GUCY2C: variants seen among roughly 807,000 people sequenced by gnomAD.
The protein encoded by GUCY2C is guanylyl cyclase C.
A neutral mutation model predicts 131.1 loss-of-function variants in GUCY2C; 118 were observed. That is an observed-to-expected ratio of 0.90 (90% CI 0.78 to 1.05). The LOEUF is 1.05. Ranked by LOEUF, GUCY2C falls within the 50% of genes least tolerant of loss-of-function variation. The pLI is 0.00. For missense variants in GUCY2C, 1,161 were observed against 1,304.4 expected, an observed-to-expected ratio of 0.89 and a Z score of 1.69; for synonymous variants, 452 against 457.8, an observed-to-expected ratio of 0.99 and a Z score of 0.16.
chr12:14,637,581 G>T (rs889315480), intron 19 of GUCY2C, among the ~76,000 whole-genome samples: 7 of 152,212 alleles, frequency 4.6e-5, no homozygotes, highest in Non-Finnish European at 1.0e-4. Flanking sequence ...TACTGGCACA[G>T]GAACAGACAC....
chr12:14,692,569 C>T (rs913517566), intron 1 of GUCY2C, among the ~76,000 whole-genome samples: 1 of 152,088 alleles, frequency 6.6e-6, no homozygotes, highest in Non-Finnish European at 1.5e-5. Flanking sequence ...GGTCCTAGGC[C>T]AGGTGCGGTG....
At chr12:14,640,233 T>C (rs894226722) in intron 18 of GUCY2C, among the ~76,000 whole-genome samples, 4 of 151,930 alleles carry the variant, frequency 2.6e-5, no homozygotes, top group East Asian at 1.9e-4. Flanking sequence ...GAGGCTGAGG[T>C]TGGGGGATCA....
intron 16 of GUCY2C, 59 bp downstream of exon 16, chr12:14,645,170 T>C: frequency 1.1e-6 from 1 of 900,000 alleles, no homozygotes. Flanking sequence ...TTGAATAACT[T>C]GTTAGATCTG....
chr12:14,645,203 A>G (rs755273660), intron 16 of GUCY2C, 26 bp downstream of exon 16: 1 of 1,207,262 alleles, frequency 8.3e-7, no homozygotes, highest in Non-Finnish European at 1.2e-6. Flanking sequence ...TAATTTTCAT[A>G]TTTTCTGTGT....
At chr12:14,670,031 T>G (rs992704573) in intron 9 of GUCY2C, among the ~76,000 whole-genome samples, 198 bp from the exon 10 acceptor site, 1 of 152,228 alleles carries the variant, frequency 6.6e-6, no homozygotes, top group African/African-American at 2.4e-5. Flanking sequence ...ATGGACCGAT[T>G]AGTTTCCTAT....
Position 14,613,133 on chromosome 12 carries a change from T to C in GUCY2C, c.3206A>G (p.Glu1069Gly). The change falls in exon 27 of 27, where the codon GAG becomes GGG. Residue 1069 changes from glutamate to glycine, a missense_variant. By Grantham distance (98) the Glu-to-Gly change is moderately conservative (BLOSUM62 -2). Transcript: ENST00000261170. The surrounding 1 kb of genome is among the most constrained non-coding windows in gnomAD (Gnocchi z 4.9). ...CATTTAGGTTTAAAAATAGGTGCTC[T>C]CCTTGTCTGTGGTATTCAGCTGCAA... ...EYLQLNTTDKESTYF is the reference protein window; with the variant it reads ...EYLQLNTTDKGSTYF The C allele has an allele frequency of 6.2e-7, 1 of 1,613,368 alleles. No individual in the cohort carries two copies. The highest frequency in any genetic ancestry group is 8.5e-7 in the Non-Finnish European group (1 of 1,179,462).
At chr12:14,677,736 A>ATTTTT (rs67108274) in intron 6 of GUCY2C, among the ~76,000 whole-genome samples, 9 of 134,008 alleles carry the variant, frequency 6.7e-5, no homozygotes, top group African/African-American at 2.5e-4. Flanking sequence ...ACGCCCAGCT[A>ATTTTT]TTTTTTTTTT....
chr12:14,665,213 C>G (rs1328505438), intron 10 of GUCY2C, among the ~76,000 whole-genome samples: 2 of 137,840 alleles, frequency 1.5e-5, no homozygotes, highest in African/African-American at 5.8e-5. Flanking sequence ...GAGGCTCCGT[C>G]TCAGGAAAAA....
chr12:14,616,771 G>A, intron 24 of GUCY2C, 44 bp from the exon 25 acceptor site: 1 of 1,063,222 alleles, frequency 9.4e-7, no homozygotes, highest in Non-Finnish European at 1.5e-6. Context: ...CTAGTACACA[G>A]CCTATTTGTT....
chr12:14,624,365 C>A (rs141106739), intron 21 of GUCY2C, among the ~76,000 whole-genome samples: 5,708 of 152,162 alleles, frequency 0.038, 353 homozygotes, highest in African/African-American at 0.13. Flanking sequence ...TGCTTGAACC[C>A]AGGAGGCAGA....
At chr12:14,630,361 G>C (rs546193133) in intron 19 of GUCY2C, among the ~76,000 whole-genome samples, 4 of 152,078 alleles carry the variant, frequency 2.6e-5, no homozygotes, top group African/African-American at 9.7e-5. Flanking sequence ...AAACTGGGCC[G>C]ATCCTGTGCC....
At chr12:14,690,414 G>T (rs1948552969) in intron 1 of GUCY2C, among the ~76,000 whole-genome samples, 1 of 152,222 alleles carries the variant, frequency 6.6e-6, no homozygotes, top group Non-Finnish European at 1.5e-5. Flanking sequence ...CCTGGGGACT[G>T]CTAGGCACCA....
rs2136994421 is a variant in GUCY2C at position 14,628,124 on chromosome 12, G to A, written c.2249+522C>T. Among the ~76,000 whole-genome samples, 4 of 152,222 alleles carry A rather than the reference G, an allele frequency of 2.6e-5. No homozygotes were observed. In the South Asian group the frequency reaches 8.3e-4, roughly 32 times the overall value. ...TCAGTGTTATTTTTCTCATTCTGCA[G>A]TGTATTAACTGAAAACATGGGGTAT... On this transcript the variant is annotated intron_variant, in intron 20 of 26. Transcript: ENST00000261170.
intron 2 of GUCY2C, among the ~76,000 whole-genome samples, chr12:14,686,706 TG>T (rs1948477713): frequency 6.6e-6 from 1 of 152,238 alleles, no homozygotes; most frequent in Non-Finnish European, 1.5e-5. Context: ...AAGGGGAATC[TG>T]GTTGGGACCA....
At chr12:14,636,854 C>T (rs1947279948) in intron 19 of GUCY2C, among the ~76,000 whole-genome samples, 1 of 151,950 alleles carries the variant, frequency 6.6e-6, no homozygotes, top group Non-Finnish European at 1.5e-5. Flanking sequence ...TTTGGGAGGC[C>T]AAGGACGGTG....
chr12:14,683,258 CTA>C lies in GUCY2C; in HGVS notation c.396-3_396-2del. 1 of 1,605,458 alleles carries C rather than the reference CTA, an allele frequency of 6.2e-7. No homozygotes were observed. The highest frequency in any genetic ancestry group is 8.5e-7 in the Non-Finnish European group (1 of 1,172,488). On this transcript the variant is annotated splice_acceptor_variant and splice_polypyrimidine_tract_variant and intron_variant, in intron 3 of 26. Transcript: ENST00000261170. LOFTEE classifies it high-confidence loss of function. ...GGGGTAGCTCAATTCTGTGTCAAGG[CTA>C]TGTCAAGAGGTTGAGGAAAAAAGCC...
At position 14,679,735 on chromosome 12, in the gene GUCY2C, C is replaced by T; in HGVS notation, c.752G>A (p.Gly251Asp). ...RKSNVIIMCG[G>D]PEFLYKLKGD... is the part of the protein sequence containing the mutation. ...CTTCAGCTTGTAGAGGAACTCTGGA[C>T]CACCACACATAATAATCACTGGAGG... The change falls in exon 6 of 27, where the codon GGT becomes GAT. Residue 251 changes from glycine to aspartate, a missense_variant. Transcript: ENST00000261170. The T allele has an allele frequency of 6.3e-7, 1 of 1,574,864 alleles. No individual in the cohort carries two copies. Among genetic ancestry groups the T allele is most frequent in the East Asian group, 2.2e-5 (1 of 44,700 alleles).
Position 14,637,196 on chromosome 12 carries a change from C to CAAAA in GUCY2C, c.2157+2662_2157+2665dup, listed in dbSNP as rs3083857. Among the ~76,000 whole-genome samples the CAAAA allele has an allele frequency of 1.1e-4, 14 of 123,394 alleles. No homozygotes were observed. In the East Asian group the frequency reaches 1.7e-3, roughly 15 times the overall value. 81.0% of individuals were successfully genotyped at this position (123,394 alleles called of 152,430 possible). ...AGACAATCCCATTTACAATAGCTAC[C>CAAAA]AAAAAAAAAAAAAAACCACCTAGGA... On this transcript the variant is annotated intron_variant, in intron 19 of 26. Transcript: ENST00000261170.
intron 1 of GUCY2C, among the ~76,000 whole-genome samples, chr12:14,695,055 C>T (rs1379431199): frequency 1.3e-4 from 20 of 151,866 alleles, no homozygotes; most frequent in South Asian, 6.2e-4. Flanking sequence ...TAATATCTGG[C>T]GGATATTATA....
Sources: allele counts gnomAD v4.1 joint callset (sites outside exome capture counted in the v4.1 genomes callset), GRCh38; gene constraint gnomAD v4.1.1; non-coding constraint Gnocchi (gnomAD v3.1); transcripts MANE v1.5; gene names NCBI Gene and HGNC (gene_info 2026-07-23, HGNC 2026-07-21).